The following TTN variants were observed in gnomAD, a reference collection of about 807,000 sequenced individuals.
The protein encoded by TTN is titin, also known as connectin.
In TTN, 1,525 loss-of-function variants were observed where a neutral mutation model predicts 3,223.0. The ratio of observed to expected loss-of-function variants is 0.47; its 90% confidence interval spans 0.45 to 0.49. The LOEUF is 0.49. Among genes scored for constraint, TTN ranks in the 20% least tolerant of loss-of-function variants. The pLI is 0.00. For synonymous variants in TTN, 14,094 were observed against 15,161.0 expected (o/e 0.93, Z 5.17); for missense variants, 40,786 against 43,424.0 (o/e 0.94, Z 5.40).
Position 178,718,956 on chromosome 2 carries a change from G to A in TTN, c.24244C>T (p.Gln8082Ter). The part of the protein sequence containing the change: ...LTVQEPPSFE[Q>*]TPDSVEVLPG... The stretch of plus-strand genomic sequence containing the variant: ...AAAACTTCCACAGAATCAGGGGTTT[G>A]TTCAAAAGATGGTGGTTCTAGATAT... Residue 8082 changes from glutamine (Q) to a stop codon, truncating the protein, a stop_gained, in exon 84 of 363, where the codon CAA (glutamine) becomes TAA (stop). Coordinates refer to ENST00000589042, the MANE Select transcript of TTN (RefSeq NM_001267550.2). LOFTEE classifies it high-confidence loss of function. 3 of 1,606,472 alleles carry A rather than the reference G, an allele frequency of 1.9e-6. No individual in the cohort carries two copies. The highest frequency in any genetic ancestry group is 2.6e-6 in the Non-Finnish European group (3 of 1,176,140).
chr2:178,792,977 T>G (rs1444292441), intron 9 of TTN, among the ~76,000 whole-genome samples: 1 of 152,230 alleles, frequency 6.6e-6, no homozygotes, highest in African/African-American at 2.4e-5. Flanking sequence ...TTCAAACTCA[T>G]GTGCAAATGT....
intron 114 of TTN, 43 bp downstream of exon 114, chr2:178,695,822 A>T: frequency 7.4e-7 from 1 of 1,358,070 alleles, no homozygotes; most frequent in Non-Finnish European, 9.5e-7. Context: ...AACTGAGCAA[A>T]AATGAAGAAA....
chr2:178,706,093 G>A (rs2075816729), intron 102 of TTN, among the ~76,000 whole-genome samples: 1 of 152,180 alleles, frequency 6.6e-6, no homozygotes, highest in African/African-American at 2.4e-5. Flanking sequence ...TGAATCTTGA[G>A]ATGGATGGCC....
chr2:178,731,644 AG>A (rs2080530875), intron 58 of TTN, 48 bp downstream of exon 58: 1 of 1,570,556 alleles, frequency 6.4e-7, no homozygotes, highest in South Asian at 1.2e-5. Flanking sequence ...CTTAAAAAAA[AG>A]AATTGACTCT....
rs35770337 is a variant in TTN, at chr2:178,689,003, A to ATTTTTTTTT, written c.32095+41_32095+49dup. ...AAGCAAGAATTTAACACACTCGAAG[A>ATTTTTTTTT]TTTTTTTTTTTTTTTTTTTTTTTTG... On this transcript the variant is annotated intron_variant, in intron 125 of 362. Coordinates refer to ENST00000589042, the MANE Select transcript of TTN (RefSeq NM_001267550.2). 1.1e-5 allele frequency: 11 copies of ATTTTTTTTT among 1,006,788 alleles called. 1 individual carries two copies. Among genetic ancestry groups the ATTTTTTTTT allele is most frequent in the Admixed American group, 4.4e-5 (2 of 45,786 alleles). The allele number at this position is 1,006,788 out of a possible 1,614,324, so 62.4% of individuals were successfully genotyped here.
rs764259290 is a variant in TTN at position 178,592,516 on chromosome 2, T to C, written c.59489A>G (p.Lys19830Arg). 1.1e-5 allele frequency: 18 copies of C among 1,613,412 alleles called. No individual in the cohort carries two copies. The African/African-American group carries it at 2.3e-4, about 20-fold the overall frequency. Residue 19830 changes from lysine (K) to arginine (R), a missense_variant, in exon 301 of 363, where the codon AAA (lysine) becomes AGA (arginine). By Grantham distance (26) the Lys-to-Arg change is conservative (BLOSUM62 2). Transcript: ENST00000589042. ...AACTGGAGTCACATCAATTCTTGCT[T>C]TAGTTGGAGCATCTCTGTCTTCTTT... Reference protein sequence around the residue: ...WKKEDRDAPTKARIDVTPVGS... With the variant: ...WKKEDRDAPTRARIDVTPVGS...
rs776361113 is a variant in TTN at position 178,747,874 on chromosome 2, A to T, written c.11311+5250T>A. The T allele has an allele frequency of 1.0e-4, 163 of 1,612,832 alleles. 1 individual carries two copies. In the East Asian group the frequency reaches 3.4e-3, roughly 33 times the overall value. ...TGTTTGTACTTATTTGTTCACCTGG[A>T]TTCTGTTGTTCTTCAGTCATCAAGA... is the stretch of plus-strand genomic sequence containing the variant. On this transcript the variant is annotated intron_variant, in intron 47 of 362. Coordinates refer to ENST00000589042, the MANE Select transcript of TTN (RefSeq NM_001267550.2).
rs1237821951 is a variant in TTN at position 178,782,394 on chromosome 2, A to G, written c.3198T>C (p.Asp1066=). ...FVESRDVVMT[D]TSLTEEQAGP... is the part of the protein sequence containing the mutation. ...CTGCTTGTTCCTCTGTGAGGCTAGT[A>G]TCAGTCATAACCACATCTCTTGACT... The change falls in exon 20 of 363, where the codon GAT becomes GAC. Residue 1066 remains aspartate, a synonymous_variant. Transcript: ENST00000589042. The G allele has an allele frequency of 1.2e-6, 2 of 1,614,102 alleles. No individual in the cohort carries two copies. The highest frequency in any genetic ancestry group is 1.1e-5 in the South Asian group (1 of 91,082).
At chr2:178,593,130 A>C in intron 299 of TTN, 43 bp downstream of exon 299, 1 of 1,610,152 alleles carries the variant, frequency 6.2e-7, no homozygotes. Flanking sequence ...CTGAAAACAA[A>C]GTTAGATAAC....
At chr2:178,659,576 C>T (rs2154255384) in intron 180 of TTN, among the ~76,000 whole-genome samples, 1 of 149,128 alleles carries the variant, frequency 6.7e-6, no homozygotes, top group South Asian at 2.2e-4. Context: ...GACAAACCCA[C>T]AGCCAGTATC....
chr2:178,552,737 C>A lies in TTN; in HGVS notation c.90163G>T (p.Asp30055Tyr). The A allele has an allele frequency of 6.2e-7, 1 of 1,613,936 alleles. No individual in the cohort carries two copies. The highest frequency in any genetic ancestry group is 2.2e-5 in the East Asian group (1 of 44,866). Residue 30055 changes from aspartate (D) to tyrosine (Y), a missense_variant, in exon 335 of 363, where the codon GAC becomes TAC. Transcript: ENST00000589042. ...GTGATGACGCTACCACCATCAAAGTCAGGTTTGGTCCAGCTGAGGATGACA... is the reference window on the plus strand; with the variant it reads ...GTGATGACGCTACCACCATCAAAGTAAGGTTTGGTCCAGCTGAGGATGACA... ...TSVILSWTKP[D>Y]FDGGSVITEY...
intron 295 of TTN, among the ~76,000 whole-genome samples, chr2:178,595,214 T>A (rs1178066982): frequency 1.3e-5 from 2 of 151,634 alleles, no homozygotes; most frequent in East Asian, 1.9e-4. Context: ...GAGGTTGCAG[T>A]GAGCCAAGAT....
rs891694505 is a variant in TTN at position 178,612,222 on chromosome 2, C to G, written c.50248+55G>C. ...GAGGAAAGGTGATAATCTCCTGTCA[C>G]AAAAATTAAGTGCGAGAGCACTTAT... On this transcript the variant is annotated intron_variant, in intron 266 of 362. Coordinates refer to ENST00000589042, the MANE Select transcript of TTN (RefSeq NM_001267550.2). 6 of 1,603,282 alleles carry G rather than the reference C, an allele frequency of 3.7e-6. No homozygotes were observed. The Admixed American group carries it at 1.0e-4, about 28-fold the overall frequency.
rs772690565 is a variant in TTN, at chr2:178,771,164, T to C, written c.8116+47A>G. 84 of 1,612,296 alleles carry C rather than the reference T, an allele frequency of 5.2e-5. No individual in the cohort carries two copies. In the South Asian group the frequency reaches 7.9e-4, roughly 15 times the overall value. The stretch of plus-strand genomic sequence containing the variant: ...CGTTTGTCTTTTAAAACGATAACGA[T>C]CAAGATTGTAATATGATTTGAAAAG... On this transcript the variant is annotated intron_variant, in intron 34 of 362. Transcript: ENST00000589042.
At position 178,560,730 on chromosome 2, in the gene TTN, A is replaced by C; in HGVS notation, c.85402T>G (p.Cys28468Gly). Reference protein sequence around the residue: ...LEINGLTAEKCSLSWGRPQED... With the variant: ...LEINGLTAEKGSLSWGRPQED... Reference sequence around the variant, plus strand: ...TGGGGACGTCCCCAGGAAAGAGAGCATTTCTCAGCAGTGAGGCCATTTATT... The same window carrying C: ...TGGGGACGTCCCCAGGAAAGAGAGCCTTTCTCAGCAGTGAGGCCATTTATT... Residue 28468 changes from cysteine (C) to glycine (G), a missense_variant, in exon 326 of 363, where the codon TGC becomes GGC. Cys to Gly is a radical substitution (Grantham distance 159, BLOSUM62 -3). Transcript: ENST00000589042. 2 of 1,613,698 alleles carry C rather than the reference A, an allele frequency of 1.2e-6. No homozygotes were observed. The highest frequency in any genetic ancestry group is 2.2e-5 in the South Asian group (2 of 91,076).
chr2:178,582,681 T>C, intron 313 of TTN, 89 bp from the exon 314 acceptor site: 1 of 1,312,762 alleles, frequency 7.6e-7, no homozygotes, highest in East Asian at 2.4e-5. Context: ...GTCTTTCTAT[T>C]GTCAATTTCC....
rs1189365839 is a variant in TTN at position 178,618,653 on chromosome 2, C to T, written c.46897G>A (p.Gly15633Arg). Reference protein sequence around the residue: ...RILEAKKGDKGRYKIVLQNKH... With the variant: ...RILEAKKGDKRRYKIVLQNKH... ...TTCTGAAGCACAATTTTATACCTCC[C>T]TTTGTCTCCTTTCTTGGCTTCTAAA... Residue 15633 changes from glycine (G) to arginine (R), a missense_variant, in exon 251 of 363, where the codon GGG (glycine) becomes AGG (arginine). Gly to Arg is a moderately radical substitution (Grantham distance 125). Transcript: ENST00000589042. 1 of 1,612,262 alleles carries T rather than the reference C, an allele frequency of 6.2e-7. No homozygotes were observed. Among genetic ancestry groups the T allele is most frequent in the East Asian group, 2.2e-5 (1 of 44,716 alleles).
chr2:178,798,892 T>C (rs1442013532), intron 6 of TTN: 2 of 155,024 alleles, frequency 1.3e-5, no homozygotes, highest in Non-Finnish European at 2.9e-5. Flanking sequence ...GAACTCTAAC[T>C]TCTGTGCTCT....
Position 178,718,150 on chromosome 2 carries a change from T to C in TTN, c.24856A>G (p.Lys8286Glu), listed in dbSNP as rs1454054276. ...VIGEPATLQC[K>E]VDGTPEIRIS... Reference sequence around the variant, plus strand: ...CTAATTTCTGGAGTTCCATCCACTTTACACTGTAAAGTTGCAGGTTCTCCA... The same window carrying C: ...CTAATTTCTGGAGTTCCATCCACTTCACACTGTAAAGTTGCAGGTTCTCCA... The change falls in exon 86 of 363, where the codon AAA (lysine) becomes GAA (glutamate). Residue 8286 changes from lysine to glutamate, a missense_variant. Lys to Glu is a moderately conservative substitution (Grantham distance 56). Coordinates refer to ENST00000589042, the MANE Select transcript of TTN (RefSeq NM_001267550.2). The C allele has an allele frequency of 3.2e-5, 51 of 1,608,034 alleles. No individual in the cohort carries two copies. Among genetic ancestry groups the C allele is most frequent in the Non-Finnish European group, 4.2e-5 (49 of 1,179,642 alleles).
Sources: allele counts gnomAD v4.1 joint callset (sites outside exome capture counted in the v4.1 genomes callset), GRCh38; gene constraint gnomAD v4.1.1; transcripts MANE v1.5; gene names NCBI Gene and HGNC (gene_info 2026-07-23, HGNC 2026-07-21).